PIGY: variants seen among roughly 807,000 people sequenced by gnomAD.
PIGY encodes the protein phosphatidylinositol glycan anchor biosynthesis class Y.
PIGY carries 3 observed loss-of-function variants against 4.1 expected under a neutral mutation model. That is an observed-to-expected ratio of 0.73 (90% confidence interval 0.33 to 1.89). PIGY has a LOEUF of 1.89. PIGY is among the 40% of genes most tolerant of loss of function. The probability of loss-of-function intolerance (pLI) is 0.08; values close to 1 mark genes in which losing one functional copy is unlikely to be tolerated. For missense variants in PIGY, 78 were observed against 80.3 expected (o/e 0.97, Z 0.11); for synonymous variants, 33 against 31.4 (o/e 1.05, Z -0.18).
chr4:88,522,158 A>G, intron 1 of PIGY, 129 bp from the exon 2 acceptor site: 1 of 776,972 alleles, frequency 1.3e-6, no homozygotes, highest in South Asian at 2.3e-5. Flanking sequence ...GTCTTCTTTA[A>G]TTCTAAAAGC....
At position 88,521,849 on chromosome 4, in the gene PIGY, G is replaced by T. The variant is rs1379565707; in HGVS notation, c.-60C>A. ...TAAAAGGTATATGGTATTAAGAAAAGTTGGCTGTTGCGTTTTTTTAATTTT... is the reference window on the plus strand; with the variant it reads ...TAAAAGGTATATGGTATTAAGAAAATTTGGCTGTTGCGTTTTTTTAATTTT... On this transcript the variant is annotated 5_prime_UTR_variant, in exon 2 of 2. Transcript: ENST00000527353. The T allele has an allele frequency of 1.9e-6, 3 of 1,560,852 alleles. No homozygotes were observed. In the South Asian group the frequency reaches 3.6e-5, roughly 19 times the overall value.
chr4:88,523,108 GA>G (rs200779771), intron 1 of PIGY, among the ~76,000 whole-genome samples: 40 of 124,374 alleles, frequency 3.2e-4, no homozygotes, highest in Middle Eastern at 4.1e-3. Flanking sequence ...CTCTTAAAAG[GA>G]AAAAAAAAAA....
At chr4:88,523,028 GTC>G (rs1190925757) in intron 1 of PIGY, among the ~76,000 whole-genome samples, 2 of 152,048 alleles carry the variant, frequency 1.3e-5, no homozygotes, top group Non-Finnish European at 2.9e-5. Context: ...GGCGGCGCCT[GTC>G]TCTCGACTCC....
intron 1 of PIGY, among the ~76,000 whole-genome samples, chr4:88,522,618 A>G (rs1276687008): frequency 1.3e-5 from 2 of 152,334 alleles, no homozygotes; most frequent in Admixed American, 6.5e-5. Flanking sequence ...AATACGAAAA[A>G]TTGCTAGCAA....
At position 88,521,533 on chromosome 4, in the gene PIGY, G is replaced by A. The variant is rs1217184183; in HGVS notation, c.*41C>T. ...TGAGCTTTCAGAGATCGATGCCCAA[G>A]AGCTATCATTAATATATACAGCATA... On this transcript the variant is annotated 3_prime_UTR_variant, in exon 2 of 2. Coordinates refer to ENST00000527353, the MANE Select transcript of PIGY (RefSeq NM_001042616.3). 6.6e-7 allele frequency: 1 copy of A among 1,514,186 alleles called. No individual in the cohort carries two copies. The highest frequency in any genetic ancestry group is 9.1e-7 in the Non-Finnish European group (1 of 1,095,640). The allele number at this position is 1,514,186 out of a possible 1,614,324, so 93.8% of individuals were successfully genotyped here.
Position 88,521,669 on chromosome 4 carries a change from A to C in PIGY, c.121T>G (p.Cys41Gly). Reference sequence around the variant, plus strand: ...ATAGGCAAGAGCAGGCTGTAAAAGCAAAGGCTGGCTGTGCTAGTGCAGCCC... The same window carrying C: ...ATAGGCAAGAGCAGGCTGTAAAAGCCAAGGCTGGCTGTGCTAGTGCAGCCC... ...PQGCTSTASL[C>G]FYSLLLPITI... The change falls in exon 2 of 2, where the codon TGC becomes GGC. Residue 41 changes from cysteine (C) to glycine (G), a missense_variant. By Grantham distance (159) the Cys-to-Gly change is radical. Coordinates refer to ENST00000527353, the MANE Select transcript of PIGY (RefSeq NM_001042616.3). 6.2e-7 allele frequency: 1 copy of C among 1,613,998 alleles called. No homozygotes were observed. Among genetic ancestry groups the C allele is most frequent in the African/African-American group, 1.3e-5 (1 of 75,060 alleles).
rs1270033864 is a variant in PIGY at position 88,521,424 on chromosome 4, C to T, written c.*150G>A. 7 of 654,184 alleles carry T rather than the reference C, an allele frequency of 1.1e-5. No homozygotes were observed. In the East Asian group the frequency reaches 1.7e-4, roughly 15 times the overall value. The allele number at this position is 654,184 out of a possible 1,614,324, so 40.5% of individuals were successfully genotyped here. A position where few individuals can be genotyped will look rare whatever the true frequency, so the allele number is the denominator to read the frequency against. ...CAGAACAAGAGTACAATAAAAGAAGCATCTGCAACTTAAGCCTCCCACAGT... is the reference window on the plus strand; with the variant it reads ...CAGAACAAGAGTACAATAAAAGAAGTATCTGCAACTTAAGCCTCCCACAGT... On this transcript the variant is annotated 3_prime_UTR_variant, in exon 2 of 2. Transcript: ENST00000527353.
In PIGY at chr4:88,523,715, A is replaced by C. The variant is rs2149119813; in HGVS notation, c.-458T>G. The C allele has an allele frequency of 2.1e-6, 3 of 1,440,586 alleles. No homozygotes were observed. Among genetic ancestry groups the C allele is most frequent in the Non-Finnish European group, 1.8e-6 (2 of 1,104,766 alleles). 89.2% of individuals were successfully genotyped at this position (1,440,586 alleles called of 1,614,324 possible). On this transcript the variant is annotated 5_prime_UTR_variant, in exon 1 of 2. Transcript: ENST00000527353. Reference sequence around the variant, plus strand: ...CCACTCAGCATGGTCTGGCAGCCGGAGACCAGGCCTCACCGCAGCCTCGCC... The same window carrying C: ...CCACTCAGCATGGTCTGGCAGCCGGCGACCAGGCCTCACCGCAGCCTCGCC...
In PIGY at chr4:88,521,397, G is replaced by A. The variant is rs537030565; in HGVS notation, c.*177C>T. ...TAAGTCAGAGCCTTCAAAAAACAAG[G>A]GCAGAACAAGAGTACAATAAAAGAA... On this transcript the variant is annotated 3_prime_UTR_variant, in exon 2 of 2. Transcript: ENST00000527353. 8.4e-6 allele frequency: 5 copies of A among 592,880 alleles called. No individual in the cohort carries two copies. Among genetic ancestry groups the A allele is most frequent in the African/African-American group, 7.4e-5 (4 of 53,924 alleles). 36.7% of individuals were successfully genotyped at this position (592,880 alleles called of 1,614,324 possible).
rs1056287488 is a variant in PIGY at position 88,521,372 on chromosome 4, T to C, written c.*202A>G. 1 of 556,880 alleles carries C rather than the reference T, an allele frequency of 1.8e-6. No homozygotes were observed. The highest frequency in any genetic ancestry group is 3.2e-6 in the Non-Finnish European group (1 of 315,312). The allele number at this position is 556,880 out of a possible 1,614,324, so 34.5% of individuals were successfully genotyped here. A position where few individuals can be genotyped will look rare whatever the true frequency, so the allele number is the denominator to read the frequency against. On this transcript the variant is annotated 3_prime_UTR_variant, in exon 2 of 2. Coordinates refer to ENST00000527353, the MANE Select transcript of PIGY (RefSeq NM_001042616.3). Reference sequence around the variant, plus strand: ...AATGTTTCTTCTGATACAGCAGTTATAAGTCAGAGCCTTCAAAAAACAAGG... The same window carrying C: ...AATGTTTCTTCTGATACAGCAGTTACAAGTCAGAGCCTTCAAAAAACAAGG...
rs746806406 is a variant in PIGY at position 88,523,674 on chromosome 4, G to T, written c.-417C>A. Reference sequence around the variant, plus strand: ...CGCGCGTTCCCCGCAGCGCTGAGGCGAGCCTGCAGCGTGCTCCACTCAGCA... The same window carrying T: ...CGCGCGTTCCCCGCAGCGCTGAGGCTAGCCTGCAGCGTGCTCCACTCAGCA... On this transcript the variant is annotated 5_prime_UTR_variant, in exon 1 of 2. Coordinates refer to ENST00000527353, the MANE Select transcript of PIGY (RefSeq NM_001042616.3). 2.1e-5 allele frequency: 32 copies of T among 1,520,644 alleles called. No individual in the cohort carries two copies. In the South Asian group the frequency reaches 3.2e-4, roughly 15 times the overall value. The allele number at this position is 1,520,644 out of a possible 1,614,324, so 94.2% of individuals were successfully genotyped here.
In PIGY at chr4:88,523,650, G is replaced by C; in HGVS notation, c.-393C>G. 6.5e-7 allele frequency: 1 copy of C among 1,538,450 alleles called. No individual in the cohort carries two copies. Among genetic ancestry groups the C allele is most frequent in the South Asian group, 1.2e-5 (1 of 83,454 alleles). On this transcript the variant is annotated 5_prime_UTR_variant, in exon 1 of 2. Transcript: ENST00000527353. ...TACGGGCGACCGCGGACGGCGGCGCGCGCGTTCCCCGCAGCGCTGAGGCGA... is the reference window on the plus strand; with the variant it reads ...TACGGGCGACCGCGGACGGCGGCGCCCGCGTTCCCCGCAGCGCTGAGGCGA...
chr4:88,521,393 C>A lies in PIGY; in HGVS notation c.*181G>T. 1.7e-6 allele frequency: 1 copy of A among 587,922 alleles called. No individual in the cohort carries two copies. The highest frequency in any genetic ancestry group is 3.0e-6 in the Non-Finnish European group (1 of 336,110). The allele number at this position is 587,922 out of a possible 1,614,324, so 36.4% of individuals were successfully genotyped here. On this transcript the variant is annotated 3_prime_UTR_variant, in exon 2 of 2. Coordinates refer to ENST00000527353, the MANE Select transcript of PIGY (RefSeq NM_001042616.3). The stretch of plus-strand genomic sequence containing the variant: ...GTTATAAGTCAGAGCCTTCAAAAAA[C>A]AAGGGCAGAACAAGAGTACAATAAA...
rs753283238 is a variant in PIGY at position 88,521,580 on chromosome 4, A to G, written c.210T>C (p.His70=). ...WTWMGIKLFR[H]N The stretch of plus-strand genomic sequence containing the variant: ...CATATTGACTCTAGTTGCATCAATT[A>G]TGCCTGAAGAGTTTAATACCCATCC... Residue 70 remains histidine, a synonymous_variant, in exon 2 of 2, where the codon CAT becomes CAC. Coordinates refer to ENST00000527353, the MANE Select transcript of PIGY (RefSeq NM_001042616.3). 77 of 1,603,086 alleles carry G rather than the reference A, an allele frequency of 4.8e-5. No homozygotes were observed. Among genetic ancestry groups the G allele is most frequent in the Non-Finnish European group, 6.3e-5 (74 of 1,170,026 alleles).
At chr4:88,523,284 G>C (rs1394553757) in intron 1 of PIGY, among the ~76,000 whole-genome samples, 3 of 152,190 alleles carry the variant, frequency 2.0e-5, no homozygotes, top group Admixed American at 6.5e-5. Context: ...GCAGGCTGGC[G>C]TTGCGTTCTG....
chr4:88,523,126 G>C (rs550264044), intron 1 of PIGY, among the ~76,000 whole-genome samples: 1 of 151,702 alleles, frequency 6.6e-6, no homozygotes. Flanking sequence ...AAAAGGAAAA[G>C]AAAATACAAA....
Position 88,523,774 on chromosome 4 carries a change from C to T in PIGY, c.-517G>A. 3.7e-6 allele frequency: 5 copies of T among 1,356,520 alleles called. No individual in the cohort carries two copies. Among genetic ancestry groups the T allele is most frequent in the Non-Finnish European group, 4.8e-6 (5 of 1,046,856 alleles). The allele number at this position is 1,356,520 out of a possible 1,614,324, so 84.0% of individuals were successfully genotyped here. On this transcript the variant is annotated 5_prime_UTR_variant, in exon 1 of 2. Transcript: ENST00000527353. ...CCGAGCTCCCGGCTTCCCGTTCGTC[C>T]AGGCCAGCCGGGCAGGCCCCGCCCC... is the stretch of plus-strand genomic sequence containing the variant.
At chr4:88,522,563 C>G (rs769356763) in intron 1 of PIGY, among the ~76,000 whole-genome samples, 1 of 152,194 alleles carries the variant, frequency 6.6e-6, no homozygotes, top group African/African-American at 2.4e-5. Context: ...ATGATAATTT[C>G]AAGGTTCGAG....
rs757754457 is a variant in PIGY at position 88,521,711 on chromosome 4, C to T, written c.79G>A (p.Glu27Lys). The change falls in exon 2 of 2, where the codon GAA becomes AAA. Residue 27 changes from glutamate to lysine, a missense_variant. Coordinates refer to ENST00000527353, the MANE Select transcript of PIGY (RefSeq NM_001042616.3). Reference sequence around the variant, plus strand: ...GTGCAGCCCTGTGGGAAGTTTTCTTCCACAGAGGCTGAGTAGAACAGTCCT... The same window carrying T: ...GTGCAGCCCTGTGGGAAGTTTTCTTTCACAGAGGCTGAGTAGAACAGTCCT... Reference protein sequence around the residue: ...LAGLFYSASVEENFPQGCTST... With the variant: ...LAGLFYSASVKENFPQGCTST... The T allele has an allele frequency of 6.8e-6, 11 of 1,613,876 alleles. No individual in the cohort carries two copies. The highest frequency in any genetic ancestry group is 4.2e-6 in the Non-Finnish European group (5 of 1,179,860).
Sources: gnomAD v4.1 joint callset for allele counts (sites outside exome capture counted in the v4.1 genomes callset) on GRCh38, gnomAD v4.1.1 for gene constraint, MANE v1.5 for transcripts, NCBI Gene and HGNC (gene_info 2026-07-23, HGNC 2026-07-21) for gene names.